The following TMEM183A variants were observed in gnomAD, a reference collection of about 807,000 sequenced individuals.
TMEM183A encodes the protein transmembrane protein 183A.
In TMEM183A, 21 loss-of-function variants were observed where a neutral mutation model predicts 46.7. The ratio of observed to expected loss-of-function variants is 0.45; its 90% CI spans 0.32 to 0.65. TMEM183A has a LOEUF of 0.65. Ranked by LOEUF, TMEM183A falls within the 30% of genes least tolerant of loss-of-function variation. The pLI, the probability that TMEM183A is intolerant of heterozygous loss-of-function variation, is 0.04. For synonymous variants in TMEM183A, 165 were observed against 180.2 expected (o/e 0.92, Z 0.68); for missense variants, 331 against 481.9 (o/e 0.69, Z 2.93).
In TMEM183A at chr1:203,023,745, T is replaced by C. The variant is rs1657935543; in HGVS notation, c.*705T>C. 1 of 152,434 alleles carries C rather than the reference T, an allele frequency of 6.6e-6. No individual in the cohort carries two copies. The allele number at this position is 152,434 out of a possible 1,614,324, so 9.4% of individuals were successfully genotyped here. A position where few individuals can be genotyped will look rare whatever the true frequency, so the allele number is the denominator to read the frequency against. On this transcript the variant is annotated 3_prime_UTR_variant, in exon 8 of 8. Coordinates refer to ENST00000367242, the MANE Select transcript of TMEM183A (RefSeq NM_138391.6). Reference sequence around the variant, plus strand: ...TGCAAAGTAGGTGATATTATTCCCATTTTATAGTTGAGAAAACGGAATTAG... The same window carrying C: ...TGCAAAGTAGGTGATATTATTCCCACTTTATAGTTGAGAAAACGGAATTAG...
At chr1:203,008,350 T>G (rs1438795440) in intron 2 of TMEM183A, among the ~76,000 whole-genome samples, 1 of 152,242 alleles carries the variant, frequency 6.6e-6, no homozygotes, top group African/African-American at 2.4e-5. Context: ...AAATCAGCTT[T>G]TATCCTGCAG....
intron 1 of TMEM183A, 91 bp downstream of exon 1, chr1:203,007,665 G>C: frequency 1.3e-6 from 2 of 1,540,952 alleles, no homozygotes. Flanking sequence ...TCGCGTGCCC[G>C]CGGCTGGAGG....
intron 3 of TMEM183A, among the ~76,000 whole-genome samples, chr1:203,014,457 G>A (rs995957239): frequency 6.6e-6 from 1 of 152,076 alleles, no homozygotes; most frequent in African/African-American, 2.4e-5. Context: ...ACAAAAATTT[G>A]CTGGGTGCGG....
chr1:203,012,148 T>TCTCACACACACACACACACACACA (rs1553249434), intron 3 of TMEM183A, among the ~76,000 whole-genome samples: 4 of 79,400 alleles, frequency 5.0e-5, no homozygotes, highest in African/African-American at 1.5e-4. Flanking sequence ...CCCCACTCCA[T>TCTCACACACACACACACACACACA]CACACACACA....
chr1:203,009,303 G>A (rs1656318622), intron 3 of TMEM183A, among the ~76,000 whole-genome samples: 1 of 152,186 alleles, frequency 6.6e-6, no homozygotes, highest in African/African-American at 2.4e-5. Flanking sequence ...TGTCTAATAA[G>A]TATTGTGGGA....
chr1:203,022,774 T>C, intron 7 of TMEM183A, 81 bp from the exon 8 acceptor site: 1 of 1,583,554 alleles, frequency 6.3e-7, no homozygotes, highest in Non-Finnish European at 8.7e-7. Context: ...TATAAATTAG[T>C]CTGGACTATT....
At chr1:203,018,627 CTT>C in intron 6 of TMEM183A, 66 bp downstream of exon 6, 1 of 1,541,100 alleles carries the variant, frequency 6.5e-7, no homozygotes. Flanking sequence ...AGATATCTTT[CTT>C]AGTCTGTTTG....
intron 7 of TMEM183A, 129 bp from the exon 8 acceptor site, chr1:203,022,726 G>A: frequency 1.7e-6 from 2 of 1,179,506 alleles, no homozygotes; most frequent in Non-Finnish European, 1.2e-6. Flanking sequence ...AAAGGTGTTT[G>A]TTTTATAATT....
At chr1:203,011,489 C>T (rs766829983) in intron 3 of TMEM183A, among the ~76,000 whole-genome samples, 9 of 152,146 alleles carry the variant, frequency 5.9e-5, no homozygotes, top group African/African-American at 1.9e-4. Flanking sequence ...TCACTGCAAC[C>T]TCTGCCTCCC....
intron 3 of TMEM183A, among the ~76,000 whole-genome samples, chr1:203,009,589 C>G (rs1167802619): frequency 6.6e-6 from 1 of 152,040 alleles, no homozygotes; most frequent in Admixed American, 6.6e-5. Context: ...TTAAGCGATC[C>G]CCCCATCTTA....
chr1:203,010,881 C>T (rs984249647), intron 3 of TMEM183A, among the ~76,000 whole-genome samples: 1 of 152,340 alleles, frequency 6.6e-6, no homozygotes, highest in Non-Finnish European at 1.5e-5. Flanking sequence ...CCCTTGGAAA[C>T]CACTAATCTA....
Position 203,018,561 on chromosome 1 carries a change from G to C in TMEM183A, c.789G>C (p.Gln263His). ...MWEFNFKFKK[Q>H]SPRLKSKCTG... ...AATTCAACTTCAAGTTCAAAAAACA[G>C]GTACGTGGTCTTCTCTTTGTTTTTC... Residue 263 changes from glutamine (Q) to histidine (H), a missense_variant and splice_region_variant, in exon 6 of 8, where the codon CAG (glutamine) becomes CAC (histidine). Coordinates refer to ENST00000367242, the MANE Select transcript of TMEM183A (RefSeq NM_138391.6). 6.2e-7 allele frequency: 1 copy of C among 1,613,362 alleles called. No individual in the cohort carries two copies. The highest frequency in any genetic ancestry group is 8.5e-7 in the Non-Finnish European group (1 of 1,179,838).
intron 3 of TMEM183A, among the ~76,000 whole-genome samples, chr1:203,010,286 T>C (rs1656435478): frequency 6.6e-6 from 1 of 152,222 alleles, no homozygotes; most frequent in Admixed American, 6.5e-5. Flanking sequence ...AAATTAATGG[T>C]ATGATTGCTT....
At chr1:203,020,063 C>G (rs1335021875) in intron 6 of TMEM183A, among the ~76,000 whole-genome samples, 1 of 151,632 alleles carries the variant, frequency 6.6e-6, no homozygotes, top group Non-Finnish European at 1.5e-5. Flanking sequence ...GTCTCCTCTA[C>G]TTAGTATCTC....
At chr1:203,007,686 C>T in intron 1 of TMEM183A, 88 bp from the exon 2 acceptor site, 4 of 1,575,510 alleles carry the variant, frequency 2.5e-6, no homozygotes, top group Non-Finnish European at 2.6e-6. Context: ...GCGGCTCGGT[C>T]CGGGGGCCTG....
intron 7 of TMEM183A, 151 bp downstream of exon 7, chr1:203,021,099 A>G: frequency 1.1e-6 from 1 of 926,492 alleles, no homozygotes; most frequent in Non-Finnish European, 1.5e-6. Flanking sequence ...TGATGGAATC[A>G]TCACTCATTG....
chr1:203,007,820 T>G lies in TMEM183A; in HGVS notation c.156T>G (p.Ser52=). 1 of 1,613,998 alleles carries G rather than the reference T, an allele frequency of 6.2e-7. No homozygotes were observed. Among genetic ancestry groups the G allele is most frequent in the Non-Finnish European group, 8.5e-7 (1 of 1,179,878 alleles). ...ACTCGGATCCGGCGGTCGTGAGGTC[T>G]GGACGAGTCAAGAAAGCCGTAGCCA... The part of the protein sequence containing the change: ...YANSDPAVVR[S]GRVKKAVANA... The change falls in exon 2 of 8, where the codon TCT becomes TCG. Residue 52 remains serine, a synonymous_variant. Coordinates refer to ENST00000367242, the MANE Select transcript of TMEM183A (RefSeq NM_138391.6).
chr1:203,023,018 A>G lies in TMEM183A; in HGVS notation c.1109A>G (p.Tyr370Cys). ...VRLFDWWHPQYPFSLRA is the reference protein window; with the variant it reads ...VRLFDWWHPQCPFSLRA The stretch of plus-strand genomic sequence containing the variant: ...CTCTTTGACTGGTGGCATCCTCAGT[A>G]CCCATTCTCCCTGAGAGCGTAGTTA... The change falls in exon 8 of 8, where the codon TAC (tyrosine) becomes TGC (cysteine). Residue 370 changes from tyrosine (Y) to cysteine (C), a missense_variant. Transcript: ENST00000367242. 1 of 1,572,402 alleles carries G rather than the reference A, an allele frequency of 6.4e-7. No individual in the cohort carries two copies.
At chr1:203,018,030 C>A in intron 5 of TMEM183A, 1 of 863,422 alleles carries the variant, frequency 1.2e-6, no homozygotes, top group Non-Finnish European at 1.4e-6. Flanking sequence ...TGTCTGCTCC[C>A]AGAAGGTCCT....
Sources: gnomAD v4.1 joint callset for allele counts (sites outside exome capture counted in the v4.1 genomes callset) on GRCh38, gnomAD v4.1.1 for gene constraint, MANE v1.5 for transcripts, NCBI Gene and HGNC (gene_info 2026-07-23, HGNC 2026-07-21) for gene names.